Variants in DSCAM observed in about 807,000 individuals in gnomAD.
DSCAM encodes cell adhesion molecule DSCAM.
Under a neutral mutation model 217.7 loss-of-function variants are expected in DSCAM, and 47 were observed. The ratio of observed to expected loss-of-function variants is 0.22; its 90% CI spans 0.17 to 0.28. The LOEUF is 0.28. Ranked by LOEUF, DSCAM falls within the 10% of genes least tolerant of loss-of-function variation. The probability of loss-of-function intolerance (pLI) is 1.00; values close to 1 mark genes in which losing one functional copy is unlikely to be tolerated. For missense variants in DSCAM, 2,080 were observed against 2,618.3 expected, an observed-to-expected ratio of 0.79 and a Z score of 4.49; for synonymous variants, 1,056 against 1,015.3, an observed-to-expected ratio of 1.04 and a Z score of -0.76.
chr21:40,143,588 G>T (rs567700371), intron 17 of DSCAM, among the ~76,000 whole-genome samples: 1 of 152,114 alleles, frequency 6.6e-6, no homozygotes, highest in South Asian at 2.1e-4. Context: ...TCAGGAGATC[G>T]AGACCATCCT....
chr21:40,832,708 G>A (rs1448593795), intron 1 of DSCAM, among the ~76,000 whole-genome samples: 1 of 152,068 alleles, frequency 6.6e-6, no homozygotes, highest in Non-Finnish European at 1.5e-5. Flanking sequence ...ACCCCATTAA[G>A]CTAATATAAA....
At chr21:40,209,859 C>T (rs1247483311) in intron 11 of DSCAM, among the ~76,000 whole-genome samples, 3 of 152,192 alleles carry the variant, frequency 2.0e-5, no homozygotes, top group African/African-American at 4.8e-5. Flanking sequence ...CCAGTCTATC[C>T]TAGGGCTCTG....
rs1190582946 is a variant in DSCAM at position 40,033,693 on chromosome 21, T to A, written c.5686+8678A>T. 3.3e-5 allele frequency among the ~76,000 whole-genome samples: 5 copies of A among 151,934 alleles called. No individual in the cohort carries two copies. The East Asian group carries it at 9.6e-4, about 29-fold the overall frequency. ...CCACCACAGCTCAAGGAGGCCTGCC[T>A]GCCTGCCTCTGTAGGCTCCACCTCT... On this transcript the variant is annotated intron_variant, in intron 32 of 32. Transcript: ENST00000400454.
intron 11 of DSCAM, among the ~76,000 whole-genome samples, chr21:40,253,392 C>A (rs931773859): frequency 3.9e-5 from 6 of 152,188 alleles, no homozygotes; most frequent in Non-Finnish European, 7.3e-5. Context: ...CGGGACAGAG[C>A]TTCAAAACCT....
At chr21:40,370,413 TA>T (rs2074883604) in intron 3 of DSCAM, among the ~76,000 whole-genome samples, 4 of 152,182 alleles carry the variant, frequency 2.6e-5, no homozygotes, top group South Asian at 2.1e-4. Context: ...GAAAAAAGAC[TA>T]AAATGCCAAA....
chr21:40,626,925 G>T (rs1328931983), intron 3 of DSCAM, among the ~76,000 whole-genome samples: 1 of 152,192 alleles, frequency 6.6e-6, no homozygotes, highest in Non-Finnish European at 1.5e-5. Flanking sequence ...TGATTCATAA[G>T]AAAGCATCTT....
chr21:40,352,324 C>T (rs537337085), intron 5 of DSCAM, among the ~76,000 whole-genome samples: 2 of 152,244 alleles, frequency 1.3e-5, no homozygotes, highest in East Asian at 3.9e-4. Context: ...ACTGGCTGTC[C>T]AATGCTGCAT....
At chr21:40,452,571 T>C (rs2075729448) in intron 3 of DSCAM, among the ~76,000 whole-genome samples, 2 of 152,252 alleles carry the variant, frequency 1.3e-5, no homozygotes, top group South Asian at 4.1e-4. Flanking sequence ...ACCTGCCAAA[T>C]AGTATCAAGC....
At chr21:40,445,159 G>A (rs927873255) in intron 3 of DSCAM, among the ~76,000 whole-genome samples, 1 of 152,216 alleles carries the variant, frequency 6.6e-6, no homozygotes, top group Non-Finnish European at 1.5e-5. Context: ...TCCCATTCAT[G>A]AGAGTGGAGT....
chr21:40,265,173 G>A (rs1310826014), intron 11 of DSCAM, among the ~76,000 whole-genome samples: 1 of 151,356 alleles, frequency 6.6e-6, no homozygotes, highest in Admixed American at 6.6e-5. Context: ...TCCAGTGTGG[G>A]GGACAGAGCA....
At chr21:40,066,837 C>A (rs2089213646) in intron 27 of DSCAM, among the ~76,000 whole-genome samples, 1 of 152,148 alleles carries the variant, frequency 6.6e-6, no homozygotes, top group Non-Finnish European at 1.5e-5. Context: ...TTTGTCTGGG[C>A]CCCTGGTGGT....
chr21:40,377,344 G>A (rs569548577), intron 3 of DSCAM, among the ~76,000 whole-genome samples: 34 of 152,158 alleles, frequency 2.2e-4, no homozygotes, highest in Non-Finnish European at 4.4e-4. Flanking sequence ...CCTGGGTTTG[G>A]GCCATGGCAC....
At chr21:40,821,342 A>C (rs1193303266) in intron 1 of DSCAM, among the ~76,000 whole-genome samples, 7 of 151,776 alleles carry the variant, frequency 4.6e-5, no homozygotes, top group African/African-American at 4.8e-5. Flanking sequence ...CTTCAGATCC[A>C]TTCAGTCTCT....
chr21:40,357,665 G>T (rs2074709445), intron 4 of DSCAM, among the ~76,000 whole-genome samples: 1 of 152,014 alleles, frequency 6.6e-6, no homozygotes, highest in South Asian at 2.1e-4. Flanking sequence ...TAAGAAATGT[G>T]AGAATTGGAC....
At chr21:40,832,317 TGGTC>T (rs2092018166) in intron 1 of DSCAM, among the ~76,000 whole-genome samples, 2 of 152,256 alleles carry the variant, frequency 1.3e-5, no homozygotes, top group Non-Finnish European at 2.9e-5. Context: ...GCGAATCAAA[TGGTC>T]ACTCAAGTGT....
intron 11 of DSCAM, among the ~76,000 whole-genome samples, chr21:40,205,624 T>G (rs896332976): frequency 2.8e-5 from 4 of 141,886 alleles, no homozygotes; most frequent in African/African-American, 5.4e-5. Flanking sequence ...AAAAAAAAAG[T>G]GTTCTCTTGA....
intron 28 of DSCAM, among the ~76,000 whole-genome samples, chr21:40,057,813 C>T (rs2089050140): frequency 6.6e-6 from 1 of 150,814 alleles, no homozygotes; most frequent in African/African-American, 2.4e-5. Context: ...TTTTTAGAGA[C>T]AGGGTCTTGC....
chr21:40,189,002 T>G (rs372071202), intron 12 of DSCAM, 40 bp downstream of exon 12: 1 of 1,589,568 alleles, frequency 6.3e-7, no homozygotes, highest in Non-Finnish European at 8.6e-7. Flanking sequence ...ATTCTTCCAA[T>G]AAAGTTCATT....
chr21:40,216,303 A>T (rs533360018), intron 11 of DSCAM, among the ~76,000 whole-genome samples: 1 of 151,968 alleles, frequency 6.6e-6, no homozygotes, highest in Admixed American at 6.5e-5. Context: ...TTTTAGAAAC[A>T]GAGTTTCAAT....
Sources: gnomAD v4.1 joint callset for allele counts (sites outside exome capture counted in the v4.1 genomes callset) on GRCh38, gnomAD v4.1.1 for gene constraint, MANE v1.5 for transcripts, NCBI Gene and HGNC (gene_info 2026-07-23, HGNC 2026-07-21) for gene names.